C1QTNF5: variants seen among roughly 807,000 people sequenced by gnomAD.
C1QTNF5 encodes complement C1q tumor necrosis factor-related protein 5.
In C1QTNF5, 5 loss-of-function variants were observed where a neutral mutation model predicts 10.9. That is an observed-to-expected ratio of 0.46 (90% CI 0.24 to 0.97). C1QTNF5 has a LOEUF of 0.97. Among genes scored for constraint, C1QTNF5 ranks in the 50% least tolerant of loss-of-function variants. The pLI is 0.19. For missense variants in C1QTNF5, 281 were observed against 339.4 expected, an observed-to-expected ratio of 0.83 and a Z score of 1.35; for synonymous variants, 161 against 156.5, an observed-to-expected ratio of 1.03 and a Z score of -0.22.
At chr11:119,342,940 A>T (rs1950517936), upstream of C1QTNF5, 1 of 1,612,576 alleles carries the variant, frequency 6.2e-7, no homozygotes, top group Non-Finnish European at 8.5e-7. Context: ...GATCTGTCCT[A>T]AACAGCACAG....
chr11:119,339,898 C>G lies in C1QTNF5; in HGVS notation c.215-50G>C. 1 of 1,431,676 alleles carries G rather than the reference C, an allele frequency of 7.0e-7. No individual in the cohort carries two copies. Among genetic ancestry groups the G allele is most frequent in the South Asian group, 1.5e-5 (1 of 67,562 alleles). The allele number at this position is 1,431,676 out of a possible 1,614,324, so 88.7% of individuals were successfully genotyped here. ...GTGAGAGTAGCGGCGGCTCAGCCCG[C>G]AGCGGGGCGGCGACTCTAAGGTCAC... is the stretch of plus-strand genomic sequence containing the variant. On this transcript the variant is annotated intron_variant, in intron 2 of 2. Transcript: ENST00000528368. The surrounding 1 kb of genome is among the most constrained non-coding windows in gnomAD (Gnocchi z 5.4).
chr11:119,341,699 G>A (rs1950504362), upstream of C1QTNF5: 1 of 1,613,160 alleles, frequency 6.2e-7, no homozygotes, highest in Non-Finnish European at 8.5e-7. Context: ...ACTGCCTAGT[G>A]GGGTGCAACG....
At chr11:119,346,419 T>C in the C1QTNF5 span, 1 of 1,613,646 alleles carries the variant, frequency 6.2e-7, no homozygotes, top group Non-Finnish European at 8.5e-7. Context: ...CAGTGACCAC[T>C]GGTGCTGGGT....
At chr11:119,340,130 G>T in intron 2 of C1QTNF5, 54 bp downstream of exon 2, 1 of 1,483,466 alleles carries the variant, frequency 6.7e-7, no homozygotes, top group South Asian at 1.3e-5. Flanking sequence ...AGCTGGAGCT[G>T]CGGCCGCGCC....
upstream of C1QTNF5, chr11:119,341,491 C>G: frequency 1.4e-6 from 2 of 1,453,178 alleles, no homozygotes; most frequent in African/African-American, 2.8e-5. Flanking sequence ...CCCCTGCGTG[C>G]CAGCCCTGAC....
chr11:119,345,563 G>A, upstream of C1QTNF5: 6 of 1,612,332 alleles, frequency 3.7e-6, no homozygotes, highest in Non-Finnish European at 5.1e-6. Flanking sequence ...AGTGGGTGTT[G>A]GGGGGGTAAG....
chr11:119,344,741 A>G (rs1470650785), upstream of C1QTNF5: 4 of 1,614,052 alleles, frequency 2.5e-6, no homozygotes, highest in Admixed American at 1.7e-5. Flanking sequence ...AGCGGAACTC[A>G]TCATGGGCAC....
At chr11:119,345,845 TGGTGGG>T, upstream of C1QTNF5, 3 of 1,613,524 alleles carry the variant, frequency 1.9e-6, no homozygotes, top group Non-Finnish European at 2.5e-6. Context: ...GAGGTGGTGA[TGGTGGG>T]GGTGGTGGTG....
At chr11:119,344,885 G>A (rs528492104), upstream of C1QTNF5, 7 of 1,612,986 alleles carry the variant, frequency 4.3e-6, no homozygotes, top group African/African-American at 1.3e-5. Flanking sequence ...GCGCCCAGGG[G>A]CCATAGCCTG....
At chr11:119,345,662 G>A (rs1208508109), upstream of C1QTNF5, 15 of 1,612,702 alleles carry the variant, frequency 9.3e-6, no homozygotes, top group Non-Finnish European at 1.3e-5. Context: ...GAGTTCAGAG[G>A]TCAAAAGGAG....
At chr11:119,344,891 G>GC (rs1189407840), upstream of C1QTNF5, 17 of 1,612,926 alleles carry the variant, frequency 1.1e-5, no homozygotes, top group Non-Finnish European at 1.4e-5. Flanking sequence ...AGGGGCCATA[G>GC]CCTGGTACCA....
upstream of C1QTNF5, chr11:119,343,009 C>T (rs1300290345): frequency 6.3e-7 from 1 of 1,598,006 alleles, no homozygotes; most frequent in East Asian, 2.3e-5. Context: ...AGAACCTGCC[C>T]AAAGCAGACA....
At position 119,339,751 on chromosome 11, in the gene C1QTNF5, G is replaced by A. The variant is rs1018727286; in HGVS notation, c.312C>T (p.Ser104=). ...TCTCGGAGCGCTTGGCGCTGAAGGC[G>A]GATCGCGGAGGCACCGAGCACTCCC... ...PAGECSVPPR[S]AFSAKRSESR... is the part of the protein sequence containing the mutation. The change falls in exon 3 of 3, where the codon TCC becomes TCT. Residue 104 remains serine (S), a synonymous_variant. Coordinates refer to ENST00000528368, the MANE Select transcript of C1QTNF5 (RefSeq NM_001278431.2). The surrounding 1 kb of genome is among the most constrained non-coding windows in gnomAD (Gnocchi z 5.4). The A allele has an allele frequency of 6.3e-7, 1 of 1,592,388 alleles. No homozygotes were observed. Among genetic ancestry groups the A allele is most frequent in the African/African-American group, 1.3e-5 (1 of 74,898 alleles).
At chr11:119,342,444 G>A, upstream of C1QTNF5, 1 of 953,602 alleles carries the variant, frequency 1.0e-6, no homozygotes, top group Non-Finnish European at 1.6e-6. Context: ...TGTCTTCCAG[G>A]ACTCTGTGAA....
At chr11:119,340,511 GC>G in intron 1 of C1QTNF5, 71 bp from the exon 2 acceptor site, 1 of 1,197,216 alleles carries the variant, frequency 8.4e-7, no homozygotes, top group Non-Finnish European at 1.2e-6. Context: ...CCCCGGCGCG[GC>G]CCAGTCGGTC....
chr11:119,344,253 A>G (rs921599209), upstream of C1QTNF5: 8 of 1,469,402 alleles, frequency 5.4e-6, no homozygotes, highest in Middle Eastern at 1.7e-4. Flanking sequence ...CCATTACACT[A>G]ACTTGGGGAT....
chr11:119,339,826 G>C lies in C1QTNF5; in HGVS notation c.237C>G (p.Asp79Glu), dbSNP rs1950481497. ...GTCCCGCCTCTCCTCGCGGCCCGGG[G>C]TCCCCTCGAGGTCCCGGCAGTCCTG... Reference protein sequence around the residue: ...GRPGLPGPRGDPGPRGEAGPA... With the variant: ...GRPGLPGPRGEPGPRGEAGPA... The change falls in exon 3 of 3, where the codon GAC becomes GAG. Residue 79 changes from aspartate (D) to glutamate (E), a missense_variant. Transcript: ENST00000528368. This position sits in a 1 kb window ranked among gnomAD's most constrained non-coding sequence, Gnocchi z 5.4. 6.6e-7 allele frequency: 1 copy of C among 1,510,584 alleles called. No individual in the cohort carries two copies. The highest frequency in any genetic ancestry group is 2.4e-5 in the East Asian group (1 of 40,848). 93.6% of individuals were successfully genotyped at this position (1,510,584 alleles called of 1,614,324 possible). A position where few individuals can be genotyped will look rare whatever the true frequency, so the allele number is the denominator to read the frequency against.
upstream of C1QTNF5, among the ~76,000 whole-genome samples, chr11:119,343,227 G>A (rs1177515584): frequency 2.0e-5 from 3 of 152,228 alleles, no homozygotes; most frequent in Non-Finnish European, 4.4e-5. Flanking sequence ...AATCAGCGAA[G>A]CAGCCTGGCA....
chr11:119,340,149 C>T (rs1490932460), intron 2 of C1QTNF5, 35 bp downstream of exon 2: 1 of 1,505,344 alleles, frequency 6.6e-7, no homozygotes, highest in Admixed American at 2.2e-5. Context: ...CCTGCTCGGA[C>T]ATCGCCACCG....
Sources: allele counts gnomAD v4.1 joint callset (sites outside exome capture counted in the v4.1 genomes callset), GRCh38; gene constraint gnomAD v4.1.1; non-coding constraint Gnocchi (gnomAD v3.1); transcripts MANE v1.5; gene names NCBI Gene and HGNC (gene_info 2026-07-23, HGNC 2026-07-21).